NCKAP5: variants seen among roughly 807,000 people sequenced by gnomAD.
The protein encoded by NCKAP5 is NCK associated protein 5.
Under a neutral mutation model 167.0 loss-of-function variants are expected in NCKAP5, and 92 were observed. That is an observed-to-expected ratio of 0.55 (90% CI 0.47 to 0.66). The LOEUF (loss-of-function observed/expected upper bound fraction) is 0.66, where lower values mean the gene tolerates loss of function less well. Among genes scored for constraint, NCKAP5 ranks in the 30% least tolerant of loss-of-function variants. NCKAP5 has a pLI of 0.00. For synonymous variants in NCKAP5, 891 were observed against 877.4 expected (o/e 1.02, Z -0.27); for missense variants, 2,378 against 2,315.0 (o/e 1.03, Z -0.56).
At chr2:132,862,979 G>A (rs1012394339) in intron 10 of NCKAP5, among the ~76,000 whole-genome samples, 8 of 151,976 alleles carry the variant, frequency 5.3e-5, no homozygotes, top group Admixed American at 3.9e-4. Context: ...GTGCCACCAC[G>A]CCTGGCTAAT....
At chr2:133,084,366 G>A (rs1198003042) in intron 6 of NCKAP5, among the ~76,000 whole-genome samples, 2 of 152,066 alleles carry the variant, frequency 1.3e-5, no homozygotes, top group African/African-American at 4.8e-5. Context: ...ATACATGCAA[G>A]AAACAAAATA....
intron 3 of NCKAP5, among the ~76,000 whole-genome samples, chr2:133,480,662 T>G (rs1229701559): frequency 6.6e-6 from 1 of 152,186 alleles, no homozygotes; most frequent in Non-Finnish European, 1.5e-5. Context: ...TGACCCTCAG[T>G]TGCCCACAGC....
At chr2:133,420,876 C>T (rs1472212018) in intron 3 of NCKAP5, among the ~76,000 whole-genome samples, 1 of 152,170 alleles carries the variant, frequency 6.6e-6, no homozygotes, top group East Asian at 1.9e-4. Context: ...GCCTGCCTCG[C>T]CCCACTGCTG....
At chr2:133,389,345 T>C (rs897042770) in intron 3 of NCKAP5, among the ~76,000 whole-genome samples, 1 of 152,218 alleles carries the variant, frequency 6.6e-6, no homozygotes, top group South Asian at 2.1e-4. Flanking sequence ...TGCTGTGATC[T>C]CTTGTGTCTT....
At chr2:132,973,384 G>T (rs768328092) in intron 7 of NCKAP5, among the ~76,000 whole-genome samples, 1 of 152,152 alleles carries the variant, frequency 6.6e-6, no homozygotes, top group Non-Finnish European at 1.5e-5. Flanking sequence ...AGAACAAGTA[G>T]AAGAAAGAAA....
intron 11 of NCKAP5, among the ~76,000 whole-genome samples, chr2:132,853,058 A>T (rs959586551): frequency 2.0e-5 from 3 of 152,202 alleles, no homozygotes; most frequent in African/African-American, 7.2e-5. Context: ...TGGCTGTCCC[A>T]TGAATATGAT....
At chr2:132,753,247 A>C (rs1363586629) in intron 16 of NCKAP5, among the ~76,000 whole-genome samples, 1 of 152,222 alleles carries the variant, frequency 6.6e-6, no homozygotes, top group Admixed American at 6.5e-5. Flanking sequence ...CACAATTTTT[A>C]TACCTCCTTC....
At chr2:133,379,470 A>G (rs1455326000) in intron 3 of NCKAP5, among the ~76,000 whole-genome samples, 3 of 152,196 alleles carry the variant, frequency 2.0e-5, no homozygotes, top group Admixed American at 2.0e-4. Context: ...AAGTGAAGGG[A>G]GGAAAGTTAC....
At chr2:132,708,209 C>A (rs1347346787) in intron 19 of NCKAP5, among the ~76,000 whole-genome samples, 1 of 152,016 alleles carries the variant, frequency 6.6e-6, no homozygotes, top group Non-Finnish European at 1.5e-5. Flanking sequence ...TGTCTTGCAG[C>A]CTAAGTAACA....
chr2:133,390,331 A>C (rs1687308090), intron 3 of NCKAP5, among the ~76,000 whole-genome samples: 2 of 152,128 alleles, frequency 1.3e-5, no homozygotes, highest in Admixed American at 1.3e-4. Context: ...GCCAGTGATG[A>C]CTAGCTCCTT....
At position 133,483,627 on chromosome 2, in the gene NCKAP5, A is replaced by AGG. The variant is rs35250511; in HGVS notation, c.69+33829_69+33830dup. On this transcript the variant is annotated intron_variant, in intron 3 of 19. Coordinates refer to ENST00000409261, the MANE Select transcript of NCKAP5 (RefSeq NM_207363.3). ...CTTTGCTAATACTCTGCAAAAAAAA[A>AGG]GGGGGGGGGGCTTTTTCTCTCTTAA... is the stretch of plus-strand genomic sequence containing the variant. Among the ~76,000 whole-genome samples the AGG allele has an allele frequency of 2.5e-3, 350 of 140,724 alleles. 2 individuals are homozygous for AGG. Among genetic ancestry groups the AGG allele is most frequent in the African/African-American group, 7.5e-3 (287 of 38,296 alleles). 92.3% of individuals were successfully genotyped at this position (140,724 alleles called of 152,430 possible).
intron 5 of NCKAP5, among the ~76,000 whole-genome samples, chr2:133,172,351 T>C (rs6753721): frequency 0.14 from 21,530 of 152,254 alleles, 1,701 homozygotes; most frequent in East Asian, 0.38. Flanking sequence ...ATTTTGTGTC[T>C]TAACACTTCA....
intron 4 of NCKAP5, among the ~76,000 whole-genome samples, chr2:133,271,637 A>G (rs2089515974): frequency 1.3e-5 from 2 of 152,220 alleles, no homozygotes; most frequent in African/African-American, 4.8e-5. Flanking sequence ...GAGAATTAAA[A>G]AAGTAGAGGC....
chr2:132,963,614 G>A lies in NCKAP5; in HGVS notation c.579+106C>T. ...GAAATCGTAGATCATATTAGTCTGG[G>A]AGAACTCAAAAGGGAAGATTTATAC... On this transcript the variant is annotated intron_variant, in intron 8 of 19. Transcript: ENST00000409261. 2.5e-6 allele frequency: 3 copies of A among 1,177,350 alleles called. No individual in the cohort carries two copies. In the South Asian group the frequency reaches 4.4e-5, roughly 17 times the overall value. 72.9% of individuals were successfully genotyped at this position (1,177,350 alleles called of 1,614,324 possible).
intron 5 of NCKAP5, among the ~76,000 whole-genome samples, chr2:133,141,698 T>C (rs967827046): frequency 5.4e-4 from 83 of 152,318 alleles, no homozygotes; most frequent in African/African-American, 1.9e-3. Context: ...AGGAATGCCT[T>C]CACACTTCCC....
chr2:133,430,084 T>C (rs1272026882), intron 3 of NCKAP5, among the ~76,000 whole-genome samples: 2 of 152,184 alleles, frequency 1.3e-5, no homozygotes, highest in African/African-American at 2.4e-5. Context: ...ATGTTGAGTA[T>C]TGTTTCATAT....
the NCKAP5 span, among the ~76,000 whole-genome samples, chr2:133,597,540 G>A: frequency 0.043 from 6,550 of 151,842 alleles, 224 homozygotes; most frequent in Admixed American, 0.093. Context: ...GTGGAGGCAC[G>A]TGCCTGTAGT....
chr2:133,587,575 C>T, the NCKAP5 span, among the ~76,000 whole-genome samples: 2 of 152,166 alleles, frequency 1.3e-5, no homozygotes, highest in East Asian at 1.9e-4. Context: ...GTCCTCAGGG[C>T]AGCAAGAGAG....
At chr2:133,513,623 T>C (rs1450413435) in intron 3 of NCKAP5, among the ~76,000 whole-genome samples, 2 of 152,196 alleles carry the variant, frequency 1.3e-5, no homozygotes, top group African/African-American at 2.4e-5. Context: ...ACGATTTGGA[T>C]ACAAACAGTC....
Sources: allele counts gnomAD v4.1 joint callset (sites outside exome capture counted in the v4.1 genomes callset), GRCh38; gene constraint gnomAD v4.1.1; transcripts MANE v1.5; gene names NCBI Gene and HGNC (gene_info 2026-07-23, HGNC 2026-07-21).